The following DLGAP4 variants were observed in gnomAD, a reference collection of about 807,000 sequenced individuals.
DLGAP4 encodes disks large-associated protein 4.
DLGAP4 carries 18 observed loss-of-function variants against 86.9 expected under a neutral mutation model. That is an observed-to-expected ratio of 0.21 (90% CI 0.14 to 0.31). The LOEUF (loss-of-function observed/expected upper bound fraction) is 0.31, where lower values mean the gene tolerates loss of function less well. DLGAP4 is among the 10% of genes least tolerant of loss of function. The pLI is 1.00. For missense variants in DLGAP4, 1,085 were observed against 1,362.6 expected (o/e 0.80, Z 3.21); for synonymous variants, 548 against 574.3 (o/e 0.95, Z 0.65).
At chr20:36,365,105 A>AAAG (rs1170990713) in intron 1 of DLGAP4, among the ~76,000 whole-genome samples, 7 of 152,292 alleles carry the variant, frequency 4.6e-5, no homozygotes, top group Admixed American at 2.0e-4. Flanking sequence ...AAAAAATAAA[A>AAAG]AAGAAGAAGA....
At chr20:36,327,953 C>G (rs2065232716) in intron 1 of DLGAP4, among the ~76,000 whole-genome samples, 1 of 150,102 alleles carries the variant, frequency 6.7e-6, no homozygotes, top group Admixed American at 6.6e-5. Context: ...AATCCCAGCA[C>G]TTTGGGAGGC....
chr20:36,451,296 T>G (rs2033728857), intron 7 of DLGAP4, among the ~76,000 whole-genome samples: 1 of 152,226 alleles, frequency 6.6e-6, no homozygotes, highest in Non-Finnish European at 1.5e-5. Context: ...ACCATGCCCT[T>G]AAGCTTTCTG....
At chr20:36,476,520 G>C (rs1441199578) in intron 7 of DLGAP4, among the ~76,000 whole-genome samples, 1 of 149,626 alleles carries the variant, frequency 6.7e-6, no homozygotes, top group African/African-American at 2.5e-5. Flanking sequence ...GTAGAAACAG[G>C]GTTTCACCAT....
chr20:36,317,718 G>A (rs1334074055), intron 1 of DLGAP4, among the ~76,000 whole-genome samples: 1 of 151,612 alleles, frequency 6.6e-6, no homozygotes, highest in Non-Finnish European at 1.5e-5. Context: ...AGCCTCCCCA[G>A]TTGCTGGTTT....
chr20:36,465,900 C>T (rs2034329661), intron 7 of DLGAP4, among the ~76,000 whole-genome samples: 1 of 152,116 alleles, frequency 6.6e-6, no homozygotes, highest in African/African-American at 2.4e-5. Context: ...CCTCTCTTCC[C>T]CTAGAGGCCC....
chr20:36,321,495 G>A (rs782153456), intron 1 of DLGAP4, among the ~76,000 whole-genome samples: 2 of 152,266 alleles, frequency 1.3e-5, no homozygotes, highest in South Asian at 2.1e-4. Context: ...GGCTGGCCCC[G>A]GCTTCCACCT....
At chr20:36,360,636 T>G (rs1169201482) in intron 1 of DLGAP4, among the ~76,000 whole-genome samples, 23 of 113,954 alleles carry the variant, frequency 2.0e-4, no homozygotes, top group African/African-American at 3.5e-4. Context: ...GCTGGAAGGG[T>G]GGGGGGAGTA....
At chr20:36,454,625 C>T (rs1057379688) in intron 7 of DLGAP4, among the ~76,000 whole-genome samples, 1 of 152,170 alleles carries the variant, frequency 6.6e-6, no homozygotes, top group African/African-American at 2.4e-5. Context: ...CATCTGTCTC[C>T]AAGGAGTGAG....
chr20:36,469,253 C>T (rs2034551690), intron 7 of DLGAP4, among the ~76,000 whole-genome samples: 1 of 152,068 alleles, frequency 6.6e-6, no homozygotes, highest in South Asian at 2.1e-4. Context: ...TTTCTGACCT[C>T]CCAGAGTCTG....
intron 7 of DLGAP4, among the ~76,000 whole-genome samples, chr20:36,466,944 CTG>C (rs1204836821): frequency 1.8e-4 from 27 of 146,584 alleles, no homozygotes; most frequent in African/African-American, 7.0e-4. Context: ...CTCTCTCTCT[CTG>C]TCTCTCTCTC....
In DLGAP4 at chr20:36,422,914, C is replaced by T. The variant is rs575514163; in HGVS notation, c.-72-8732C>T. Among the ~76,000 whole-genome samples the T allele has an allele frequency of 2.6e-5, 4 of 152,320 alleles. No individual in the cohort carries two copies. In the East Asian group the frequency reaches 7.7e-4, roughly 29 times the overall value. On this transcript the variant is annotated intron_variant, in intron 2 of 12. Coordinates refer to ENST00000339266, the MANE Select transcript of DLGAP4 (RefSeq NM_001365621.2). Reference sequence around the variant, plus strand: ...CAGCTCGAGGCAGCCAGCTGCTTCCCCCTGCAAGGGCAAGGCCTGCCTATT... The same window carrying T: ...CAGCTCGAGGCAGCCAGCTGCTTCCTCCTGCAAGGGCAAGGCCTGCCTATT...
intron 1 of DLGAP4, among the ~76,000 whole-genome samples, chr20:36,337,597 A>G (rs113486874): frequency 6.6e-6 from 1 of 152,042 alleles, no homozygotes; most frequent in African/African-American, 2.4e-5. Flanking sequence ...GCTGCTCCTC[A>G]TGGGGTCTCC....
rs560995575 is a variant in DLGAP4, at chr20:36,435,552, C to G, written c.1000-557C>G. Among the ~76,000 whole-genome samples, 5 of 152,330 alleles carry G rather than the reference C, an allele frequency of 3.3e-5. No homozygotes were observed. The South Asian group carries it at 1.0e-3, about 32-fold the overall frequency. On this transcript the variant is annotated intron_variant, in intron 3 of 12. Coordinates refer to ENST00000339266, the MANE Select transcript of DLGAP4 (RefSeq NM_001365621.2). ...TTTTTCCAGCTCACCATGTGGCTAC[C>G]TGACCCGGGGAAGCACCTCTGCTCT...
intron 10 of DLGAP4, among the ~76,000 whole-genome samples, chr20:36,522,157 CTTTT>C (rs754153542): frequency 1.3e-5 from 2 of 152,076 alleles, no homozygotes; most frequent in African/African-American, 2.4e-5. Flanking sequence ...CACACTCTTT[CTTTT>C]TTGTTTTTGA....
Position 36,436,771 on chromosome 20 carries a change from G to T in DLGAP4, c.1241+421G>T, listed in dbSNP as rs552568766. ...GCGGAGATTGCAGTGAGCCGAGATC[G>T]CGCCACTGCACTCCAGCCTGGGCGA... is the stretch of plus-strand genomic sequence containing the variant. On this transcript the variant is annotated intron_variant, in intron 4 of 12. Coordinates refer to ENST00000339266, the MANE Select transcript of DLGAP4 (RefSeq NM_001365621.2). 5.3e-5 allele frequency among the ~76,000 whole-genome samples: 8 copies of T among 150,768 alleles called. No individual in the cohort carries two copies. The South Asian group carries it at 1.5e-3, about 28-fold the overall frequency.
chr20:36,465,170 C>T (rs1023742328), intron 7 of DLGAP4: 6 of 151,804 alleles, frequency 4.0e-5, no homozygotes, highest in South Asian at 4.2e-4. Flanking sequence ...CCATCCCCCC[C>T]ACCCCCGCAT....
chr20:36,354,263 C>T (rs1404313375), intron 1 of DLGAP4, among the ~76,000 whole-genome samples: 1 of 151,902 alleles, frequency 6.6e-6, no homozygotes, highest in Non-Finnish European at 1.5e-5. Context: ...TCAAAGCTGC[C>T]GTGAGCTGTT....
Position 36,446,951 on chromosome 20 carries a change from T to C in DLGAP4, c.1648+14T>C. ...GCACGCTTCCGAGTGAGTACTGTGATGAGGGAAGGGGTTTTTTTTCTTTTC... is the reference window on the plus strand; with the variant it reads ...GCACGCTTCCGAGTGAGTACTGTGACGAGGGAAGGGGTTTTTTTTCTTTTC... On this transcript the variant is annotated intron_variant, in intron 7 of 12. Coordinates refer to ENST00000339266, the MANE Select transcript of DLGAP4 (RefSeq NM_001365621.2). 1.3e-6 allele frequency: 2 copies of C among 1,591,736 alleles called. No individual in the cohort carries two copies. Among genetic ancestry groups the C allele is most frequent in the Non-Finnish European group, 8.6e-7 (1 of 1,164,308 alleles).
chr20:36,367,975 C>G (rs188883925), intron 2 of DLGAP4, among the ~76,000 whole-genome samples: 1 of 152,344 alleles, frequency 6.6e-6, no homozygotes, highest in East Asian at 1.9e-4. Context: ...TGCAGGCTCA[C>G]CCAGCCACCA....
Sources: gnomAD v4.1 joint callset for allele counts (sites outside exome capture counted in the v4.1 genomes callset) on GRCh38, gnomAD v4.1.1 for gene constraint, MANE v1.5 for transcripts, NCBI Gene and HGNC (gene_info 2026-07-23, HGNC 2026-07-21) for gene names.